Variants in MTCL1 observed in about 807,000 individuals in gnomAD.
MTCL1 encodes microtubule cross-linking factor 1.
In MTCL1, 79 loss-of-function variants were observed where a neutral mutation model predicts 141.4. The observed-to-expected ratio is 0.56, with a 90% CI of 0.47 to 0.67. MTCL1 has a LOEUF of 0.67. MTCL1 is among the 30% of genes least tolerant of loss of function. The probability of loss-of-function intolerance (pLI) is 0.00; values close to 1 mark genes in which losing one functional copy is unlikely to be tolerated. For synonymous variants in MTCL1, 914 were observed against 875.8 expected, an observed-to-expected ratio of 1.04 and a Z score of -0.77; for missense variants, 2,177 against 2,113.9, an observed-to-expected ratio of 1.03 and a Z score of -0.59.
chr18:8,799,059 C>A (rs1277844518), intron 10 of MTCL1, among the ~76,000 whole-genome samples: 1 of 152,188 alleles, frequency 6.6e-6, no homozygotes, highest in Non-Finnish European at 1.5e-5. Context: ...TGCCCCTGCC[C>A]TAGGAAGCCT....
Position 8,766,546 on chromosome 18 carries a change from G to A in MTCL1, c.358-11287G>A, listed in dbSNP as rs563541095. ...GCTTTTCAACATTGTCTGCAATGTT[G>A]TGTCTCATAAATATAATATACTAGC... On this transcript the variant is annotated intron_variant, in intron 4 of 16. Transcript: ENST00000359865. Among the ~76,000 whole-genome samples, 179 of 152,332 alleles carry A rather than the reference G, an allele frequency of 1.2e-3. 1 individual carries two copies. The highest frequency in any genetic ancestry group is 9.4e-3 in the Admixed American group (144 of 15,300).
intron 4 of MTCL1, among the ~76,000 whole-genome samples, chr18:8,742,791 A>G (rs2096311941): frequency 6.6e-6 from 1 of 152,278 alleles, no homozygotes; most frequent in South Asian, 2.1e-4. Flanking sequence ...TGTAAAGCAT[A>G]TAACAAATGG....
chr18:8,798,374 C>T, intron 10 of MTCL1, 83 bp downstream of exon 9: 1 of 1,220,378 alleles, frequency 8.2e-7, no homozygotes, highest in Non-Finnish European at 1.1e-6. Flanking sequence ...GTTTTGTTTC[C>T]AGTGTTGGCA....
At chr18:8,720,201 T>G in intron 3 of MTCL1, 137 bp from the exon 3 acceptor site, 1 of 760,054 alleles carries the variant, frequency 1.3e-6, no homozygotes, top group East Asian at 2.6e-5. Context: ...TAACAATAAG[T>G]CAGTTGTGTA....
intron 4 of MTCL1, among the ~76,000 whole-genome samples, chr18:8,756,451 ATG>A (rs1223907300): frequency 5.6e-5 from 8 of 143,682 alleles, no homozygotes; most frequent in Middle Eastern, 3.6e-3. Flanking sequence ...ATGTGTATAT[ATG>A]TGTATATATG....
At chr18:8,821,934 T>C (rs750794656) in intron 14 of MTCL1, among the ~76,000 whole-genome samples, 42 of 152,226 alleles carry the variant, frequency 2.8e-4, no homozygotes, top group Admixed American at 5.2e-4. Flanking sequence ...GAAGAAGATA[T>C]ATAGTGGTTG....
intron 9 of MTCL1, among the ~76,000 whole-genome samples, chr18:8,797,381 A>G (rs1400283029): frequency 6.6e-6 from 1 of 152,236 alleles, no homozygotes; most frequent in Non-Finnish European, 1.5e-5. Flanking sequence ...TAATAGAAAC[A>G]GAAGCGAGAT....
chr18:8,785,990 C>T lies in MTCL1; in HGVS notation c.1786C>T (p.Arg596Trp), dbSNP rs1235737279. Residue 596 changes from arginine to tryptophan, a missense_variant, in exon 7 of 17, where the codon CGG becomes TGG. Physicochemically the swap from Arg to Trp is moderately radical, Grantham distance 101. Coordinates refer to ENST00000359865, the Ensembl canonical transcript of MTCL1. ...GCTCGGGCCGGCCCGAGGGGACGAGCGGGAGAGCCTGCGCCTCCGAGCCGC... is the reference window on the plus strand; with the variant it reads ...GCTCGGGCCGGCCCGAGGGGACGAGTGGGAGAGCCTGCGCCTCCGAGCCGC... The T allele has an allele frequency of 1.2e-5, 20 of 1,606,388 alleles. No homozygotes were observed. Among genetic ancestry groups the T allele is most frequent in the Middle Eastern group, 2.2e-4 (1 of 4,624 alleles).
At chr18:8,792,558 C>T (rs2075770095) in intron 7 of MTCL1, among the ~76,000 whole-genome samples, 2 of 152,154 alleles carry the variant, frequency 1.3e-5, no homozygotes, top group Admixed American at 6.5e-5. Context: ...ATTAATTATG[C>T]AACACAGAAA....
At position 8,824,575 on chromosome 18, in the gene MTCL1, TCTC is replaced by T. The variant is rs982881848; in HGVS notation, c.3189-121_3189-119del. On this transcript the variant is annotated intron_variant, in intron 14 of 16. Transcript: ENST00000359865. ...GCAGCACATGAGCAGCTGACAGTGT[TCTC>T]CTGGTGTGGGTGGCAGCGGGTGCCT... 57 of 732,466 alleles carry T rather than the reference TCTC, an allele frequency of 7.8e-5. No individual in the cohort carries two copies. In the African/African-American group the frequency reaches 1.0e-3, roughly 13 times the overall value. The allele number at this position is 732,466 out of a possible 1,614,324, so 45.4% of individuals were successfully genotyped here.
At chr18:8,766,681 G>T (rs995195495) in intron 4 of MTCL1, among the ~76,000 whole-genome samples, 1 of 152,182 alleles carries the variant, frequency 6.6e-6, no homozygotes, top group Non-Finnish European at 1.5e-5. Flanking sequence ...TGAAACCATG[G>T]CTGTTTTGTT....
At chr18:8,722,280 T>C (rs1176028906) in intron 4 of MTCL1, among the ~76,000 whole-genome samples, 1 of 152,094 alleles carries the variant, frequency 6.6e-6, no homozygotes, top group Non-Finnish European at 1.5e-5. Flanking sequence ...TCCTGTGCAG[T>C]TGAAAATCTG....
At position 8,710,769 on chromosome 18, in the gene MTCL1, G is replaced by A. The variant is rs193196272; in HGVS notation, c.1053+4056G>A. On this transcript the variant is annotated intron_variant, in intron 1 of 13. Transcript: ENST00000306329. The stretch of plus-strand genomic sequence containing the variant: ...GAGTAAAGCTTGGGAACTAGTCTAT[G>A]TTAGGCTTGAGTAGTCTAGGGCAAT... Among the ~76,000 whole-genome samples, 75 of 145,482 alleles carry A rather than the reference G, an allele frequency of 5.2e-4. 1 individual carries two copies. The highest frequency in any genetic ancestry group is 4.0e-3 in the Middle Eastern group (1 of 252).
At chr18:8,747,168 A>G (rs2096343331) in intron 4 of MTCL1, among the ~76,000 whole-genome samples, 1 of 152,226 alleles carries the variant, frequency 6.6e-6, no homozygotes, top group Non-Finnish European at 1.5e-5. Context: ...CCACACAGGT[A>G]CTGACTCTGT....
intron 6 of MTCL1, chr18:8,785,694 G>A: frequency 1.9e-6 from 1 of 534,118 alleles, no homozygotes; most frequent in Non-Finnish European, 3.3e-6. Context: ...TTTCAGATGT[G>A]TCCACCCGCC....
chr18:8,754,059 CT>C (rs1244024813), intron 4 of MTCL1, among the ~76,000 whole-genome samples: 1 of 152,128 alleles, frequency 6.6e-6, no homozygotes, highest in Non-Finnish European at 1.5e-5. Context: ...AATTTTCCCC[CT>C]ACTTCCTATT....
chr18:8,789,404 C>T (rs2075639840), intron 7 of MTCL1: 1 of 985,246 alleles, frequency 1.0e-6, no homozygotes, highest in Non-Finnish European at 1.2e-6. Flanking sequence ...CATTGCTAGG[C>T]ACTCTAGTGA....
At chr18:8,746,486 GT>G (rs2096338785) in intron 4 of MTCL1, among the ~76,000 whole-genome samples, 2 of 152,226 alleles carry the variant, frequency 1.3e-5, no homozygotes, top group African/African-American at 4.8e-5. Flanking sequence ...TATGAGCATT[GT>G]CATTCTTTGA....
At chr18:8,743,892 A>C (rs1246830044) in intron 4 of MTCL1, among the ~76,000 whole-genome samples, 1 of 152,222 alleles carries the variant, frequency 6.6e-6, no homozygotes, top group African/African-American at 2.4e-5. Flanking sequence ...TGGCTACTAT[A>C]GTAGGAAAGC....
Sources: gnomAD v4.1 joint callset for allele counts (sites outside exome capture counted in the v4.1 genomes callset) on GRCh38, gnomAD v4.1.1 for gene constraint, MANE v1.5 for transcripts, NCBI Gene and HGNC (gene_info 2026-07-23, HGNC 2026-07-21) for gene names.